Variants in SFMBT2 observed in about 807,000 individuals in gnomAD.
SFMBT2 encodes Scm like with four mbt domains 2, also known as scm-like with four MBT domains protein 2.
Under a neutral mutation model 110.1 loss-of-function variants are expected in SFMBT2, and 38 were observed. The ratio of observed to expected loss-of-function variants is 0.35; its 90% confidence interval spans 0.27 to 0.45. The LOEUF (loss-of-function observed/expected upper bound fraction) is 0.45, where lower values mean the gene tolerates loss of function less well. Among genes scored for constraint, SFMBT2 ranks in the 20% least tolerant of loss-of-function variants. SFMBT2 has a pLI of 1.00. For synonymous variants in SFMBT2, 425 were observed against 425.4 expected (o/e 1.00, Z 0.01); for missense variants, 1,011 against 1,094.9 (o/e 0.92, Z 1.08).
At chr10:7,318,213 T>C (rs1261025195) in intron 4 of SFMBT2, among the ~76,000 whole-genome samples, 1 of 152,256 alleles carries the variant, frequency 6.6e-6, no homozygotes, top group Non-Finnish European at 1.5e-5. Context: ...CTGTTCTCAC[T>C]GATATTCTCT....
At chr10:7,297,585 T>C (rs946321774) in intron 4 of SFMBT2, among the ~76,000 whole-genome samples, 13 of 151,866 alleles carry the variant, frequency 8.6e-5, no homozygotes, top group Admixed American at 2.0e-4. Context: ...CCATCACGGG[T>C]GGGGGTAAAA....
chr10:7,202,396 A>T, intron 13 of SFMBT2, 84 bp downstream of exon 13: 3 of 1,559,644 alleles, frequency 1.9e-6, no homozygotes, highest in East Asian at 4.5e-5. Flanking sequence ...AACTCCAATA[A>T]AAACAGCCAT....
intron 2 of SFMBT2, among the ~76,000 whole-genome samples, chr10:7,375,938 T>C (rs1459113757): frequency 6.6e-6 from 1 of 152,114 alleles, no homozygotes; most frequent in Non-Finnish European, 1.5e-5. Flanking sequence ...TTGATTCCTT[T>C]CCTTCCCAAA....
chr10:7,390,607 T>C (rs1845737987), intron 1 of SFMBT2, among the ~76,000 whole-genome samples: 1 of 152,108 alleles, frequency 6.6e-6, no homozygotes, highest in Non-Finnish European at 1.5e-5. Context: ...ATGTACCAAG[T>C]TTTTCTATAA....
chr10:7,306,104 CA>C (rs1186184345), intron 4 of SFMBT2, among the ~76,000 whole-genome samples: 2 of 152,186 alleles, frequency 1.3e-5, no homozygotes, highest in East Asian at 3.8e-4. Flanking sequence ...CTTAATGTTG[CA>C]AAGATTCAAT....
At chr10:7,209,869 T>C (rs1839278687) in intron 11 of SFMBT2, among the ~76,000 whole-genome samples, 1 of 152,048 alleles carries the variant, frequency 6.6e-6, no homozygotes, top group Admixed American at 6.5e-5. Context: ...GCCTCCACAA[T>C]CACCACCATT....
chr10:7,232,239 G>T (rs1413807827), intron 9 of SFMBT2, among the ~76,000 whole-genome samples: 1 of 151,978 alleles, frequency 6.6e-6, no homozygotes, highest in Non-Finnish European at 1.5e-5. Flanking sequence ...ACATAAAACA[G>T]CTCTATTTGC....
At chr10:7,315,542 C>T (rs930783677) in intron 4 of SFMBT2, among the ~76,000 whole-genome samples, 10 of 152,158 alleles carry the variant, frequency 6.6e-5, no homozygotes, top group African/African-American at 2.2e-4. Flanking sequence ...GAAATTACAC[C>T]ATCTTCCACC....
intron 9 of SFMBT2, among the ~76,000 whole-genome samples, chr10:7,242,746 A>ACT (rs996041696): frequency 5.9e-5 from 9 of 152,202 alleles, no homozygotes; most frequent in African/African-American, 1.9e-4. Context: ...GCAAGATGGG[A>ACT]CTCAACCTGT....
intron 4 of SFMBT2, among the ~76,000 whole-genome samples, chr10:7,363,173 C>T (rs1180085701): frequency 6.6e-6 from 1 of 152,098 alleles, no homozygotes; most frequent in African/African-American, 2.4e-5. Flanking sequence ...TTTTCCCACG[C>T]TATTCTCAGG....
At chr10:7,299,965 A>G (rs1842511732) in intron 4 of SFMBT2, among the ~76,000 whole-genome samples, 1 of 152,234 alleles carries the variant, frequency 6.6e-6, no homozygotes, top group South Asian at 2.1e-4. Context: ...AGCCATAAAA[A>G]GGAATGAATA....
At chr10:7,363,984 T>C (rs1199868215) in intron 4 of SFMBT2, among the ~76,000 whole-genome samples, 1 of 152,130 alleles carries the variant, frequency 6.6e-6, no homozygotes, top group Non-Finnish European at 1.5e-5. Flanking sequence ...CGACCAGGTA[T>C]GGTTGCAGAA....
intron 7 of SFMBT2, among the ~76,000 whole-genome samples, chr10:7,269,098 C>T (rs978245613): frequency 2.6e-5 from 4 of 151,996 alleles, no homozygotes; most frequent in Non-Finnish European, 5.9e-5. Context: ...CTTTTAATGT[C>T]CTTTGAGTTT....
rs189225054 is a variant in SFMBT2, at chr10:7,197,568, A to T, written c.1678T>A (p.Cys560Ser). Residue 560 changes from cysteine (C) to serine (S), a missense_variant, in exon 15 of 21, where the codon TGC becomes AGC. Physicochemically the swap from Cys to Ser is moderately radical, Grantham distance 112. Coordinates refer to ENST00000397167, the MANE Select transcript of SFMBT2 (RefSeq NM_001387889.1). Reference sequence around the variant, plus strand: ...TTTACCTCTTTAAGAACCAGCACGCATTTGCCCGGTCCCACCGACTGAGGT... The same window carrying T: ...TTTACCTCTTTAAGAACCAGCACGCTTTTGCCCGGTCCCACCGACTGAGGT... ...ELPQSVGPGK[C>S]VLVLKEVLSM... is the part of the protein sequence containing the mutation. The T allele has an allele frequency of 1.2e-6, 2 of 1,614,146 alleles. No individual in the cohort carries two copies. The highest frequency in any genetic ancestry group is 2.7e-5 in the African/African-American group (2 of 75,040).
At chr10:7,193,201 A>G (rs1838656116) in intron 15 of SFMBT2, among the ~76,000 whole-genome samples, 1 of 152,190 alleles carries the variant, frequency 6.6e-6, no homozygotes, top group African/African-American at 2.4e-5. Context: ...AGGACAGGCC[A>G]GGTCTGCTGC....
At chr10:7,282,154 C>T (rs947410687) in intron 6 of SFMBT2, among the ~76,000 whole-genome samples, 1 of 152,172 alleles carries the variant, frequency 6.6e-6, no homozygotes, top group Non-Finnish European at 1.5e-5. Flanking sequence ...AAATGAACAA[C>T]TCATTTCCAG....
chr10:7,201,377 C>T (rs563826006), intron 13 of SFMBT2, among the ~76,000 whole-genome samples: 83 of 152,292 alleles, frequency 5.5e-4, no homozygotes, highest in African/African-American at 1.8e-3. Context: ...AGGTGAGAAC[C>T]GTTAATCCAC....
At chr10:7,194,245 C>T (rs1226923308) in intron 15 of SFMBT2, among the ~76,000 whole-genome samples, 4 of 152,192 alleles carry the variant, frequency 2.6e-5, no homozygotes, top group Non-Finnish European at 5.9e-5. Context: ...CGCTGCACCC[C>T]CTCGAATTGA....
chr10:7,390,715 T>C (rs983989720), intron 1 of SFMBT2, among the ~76,000 whole-genome samples: 3 of 152,242 alleles, frequency 2.0e-5, no homozygotes, highest in Admixed American at 6.5e-5. Flanking sequence ...TCAAGTCTTA[T>C]GACTCCTCAT....
Sources: gnomAD v4.1 joint callset for allele counts (sites outside exome capture counted in the v4.1 genomes callset) on GRCh38, gnomAD v4.1.1 for gene constraint, MANE v1.5 for transcripts, NCBI Gene and HGNC (gene_info 2026-07-23, HGNC 2026-07-21) for gene names.